The following POU6F2 variants were observed in gnomAD, a reference collection of about 807,000 sequenced individuals.
POU6F2 encodes POU domain, class 6, transcription factor 2.
In POU6F2, 31 loss-of-function variants were observed where a neutral mutation model predicts 71.3. The observed-to-expected ratio is 0.43, with a 90% CI of 0.33 to 0.59. POU6F2 has a LOEUF of 0.59. POU6F2 is among the 20% of genes least tolerant of loss of function. The pLI is 0.04. For synonymous variants in POU6F2, 347 were observed against 355.7 expected, an observed-to-expected ratio of 0.98 and a Z score of 0.27; for missense variants, 783 against 856.8, an observed-to-expected ratio of 0.91 and a Z score of 1.07.
chr7:39,346,650 A>C (rs1371419806), intron 5 of POU6F2, among the ~76,000 whole-genome samples: 2 of 152,254 alleles, frequency 1.3e-5, no homozygotes, highest in African/African-American at 4.8e-5. Flanking sequence ...GCATAGATGC[A>C]GGGTCTAGTG....
chr7:39,432,454 G>C (rs1788125073), intron 6 of POU6F2, among the ~76,000 whole-genome samples: 1 of 152,152 alleles, frequency 6.6e-6, no homozygotes, highest in South Asian at 2.1e-4. Context: ...CTTGACAAAT[G>C]TGCCACAGTC....
chr7:39,008,342 T>C (rs1299510486), intron 1 of POU6F2, among the ~76,000 whole-genome samples: 3 of 152,164 alleles, frequency 2.0e-5, no homozygotes, highest in South Asian at 4.1e-4. Flanking sequence ...GAAGTGTCTG[T>C]TCATGTCCTT....
At chr7:39,224,670 G>A (rs1243748101) in intron 4 of POU6F2, among the ~76,000 whole-genome samples, 2 of 152,084 alleles carry the variant, frequency 1.3e-5, no homozygotes, top group Non-Finnish European at 2.9e-5. Flanking sequence ...TGAAATACAG[G>A]CAGAAAAAAA....
intron 5 of POU6F2, among the ~76,000 whole-genome samples, chr7:39,379,141 G>A (rs1163762310): frequency 6.6e-6 from 1 of 152,148 alleles, no homozygotes; most frequent in Non-Finnish European, 1.5e-5. Flanking sequence ...GGCTCTGGGG[G>A]AAAGAAATTG....
At chr7:39,096,521 C>A (rs1791457037) in intron 2 of POU6F2, among the ~76,000 whole-genome samples, 1 of 152,178 alleles carries the variant, frequency 6.6e-6, no homozygotes, top group Non-Finnish European at 1.5e-5. Flanking sequence ...CAAGAGGAGT[C>A]TGGCAGAAGA....
intron 4 of POU6F2, among the ~76,000 whole-genome samples, chr7:39,277,060 T>G (rs949096319): frequency 6.6e-6 from 1 of 152,040 alleles, no homozygotes; most frequent in Non-Finnish European, 1.5e-5. Flanking sequence ...AATAATAATT[T>G]TTAAAAAATT....
At chr7:39,303,229 G>C (rs144358861) in intron 4 of POU6F2, among the ~76,000 whole-genome samples, 2 of 152,066 alleles carry the variant, frequency 1.3e-5, no homozygotes, top group East Asian at 3.9e-4. Flanking sequence ...CTCACTGCAA[G>C]CTCCGCCTCC....
At chr7:39,448,097 A>T in intron 7 of POU6F2, among the ~76,000 whole-genome samples, 1 of 152,330 alleles carries the variant, frequency 6.6e-6, no homozygotes, top group East Asian at 1.9e-4. Context: ...AATCCCAGTG[A>T]TGTAGTGCTA....
chr7:39,092,055 A>G (rs772191989), intron 2 of POU6F2, among the ~76,000 whole-genome samples: 2 of 152,236 alleles, frequency 1.3e-5, no homozygotes, highest in Non-Finnish European at 2.9e-5. Flanking sequence ...ATGCAGAGGC[A>G]ATCGGAGAAG....
chr7:39,084,041 C>A (rs1013212433), intron 1 of POU6F2, among the ~76,000 whole-genome samples: 6 of 152,144 alleles, frequency 3.9e-5, no homozygotes, highest in African/African-American at 1.4e-4. Context: ...TATGAAAGCT[C>A]GGCTCTGCTC....
chr7:39,357,545 A>G (rs1205811547), intron 5 of POU6F2, among the ~76,000 whole-genome samples: 1 of 152,082 alleles, frequency 6.6e-6, no homozygotes, highest in Non-Finnish European at 1.5e-5. Flanking sequence ...CATCCAGGTA[A>G]TCCCTAACAT....
chr7:38,998,137 T>G (rs1264584177), intron 1 of POU6F2, among the ~76,000 whole-genome samples: 2 of 152,242 alleles, frequency 1.3e-5, no homozygotes, highest in African/African-American at 4.8e-5. Flanking sequence ...GTCTTTTATC[T>G]TTCCCTCCTC....
At chr7:39,124,613 G>A (rs187011168) in intron 2 of POU6F2, among the ~76,000 whole-genome samples, 2 of 152,136 alleles carry the variant, frequency 1.3e-5, no homozygotes, top group East Asian at 3.8e-4. Context: ...CTCATACTGA[G>A]CCCTCCTTTC....
intron 4 of POU6F2, among the ~76,000 whole-genome samples, chr7:39,323,994 G>T (rs1785454852): frequency 6.6e-6 from 1 of 151,850 alleles, no homozygotes; most frequent in East Asian, 1.9e-4. Flanking sequence ...TGTAATCCCA[G>T]CTACTTGGGA....
chr7:39,434,417 G>A (rs116740244), intron 7 of POU6F2, among the ~76,000 whole-genome samples: 4,903 of 152,082 alleles, frequency 0.032, 251 homozygotes, highest in African/African-American at 0.11. Context: ...GTGGGGATAC[G>A]CCAGTAGCTA....
rs1417716421 is a variant in POU6F2 at position 39,009,951 on chromosome 7, C to T, written c.105+31893C>T. 1.5e-4 allele frequency among the ~76,000 whole-genome samples: 23 copies of T among 152,018 alleles called. No individual in the cohort carries two copies. In the South Asian group the frequency reaches 3.8e-3, roughly 25 times the overall value. ...AGTATTTTATTGAGGATTTTTGCAT[C>T]GATGTTCATCAAGGATACTGGTCTA... is the stretch of plus-strand genomic sequence containing the variant. On this transcript the variant is annotated intron_variant, in intron 1 of 9. Transcript: ENST00000518318.
At chr7:39,073,376 TA>T (rs35194991) in intron 1 of POU6F2, among the ~76,000 whole-genome samples, 85,736 of 133,058 alleles carry the variant, frequency 0.64, 27,229 homozygotes, top group East Asian at 0.93. Context: ...GAGAACCTAT[TA>T]AAAAAAAAAA....
intron 6 of POU6F2, among the ~76,000 whole-genome samples, chr7:39,430,651 G>A (rs573507716): frequency 1.2e-4 from 19 of 152,280 alleles, no homozygotes; most frequent in Non-Finnish European, 2.2e-4. Context: ...GGGACAGAAC[G>A]CCTCTCTCTT....
At chr7:38,998,481 A>G (rs1788803428) in intron 1 of POU6F2, among the ~76,000 whole-genome samples, 1 of 152,176 alleles carries the variant, frequency 6.6e-6, no homozygotes, top group African/African-American at 2.4e-5. Flanking sequence ...AATCATACCT[A>G]TATGTAGACG....
Sources: allele counts gnomAD v4.1 joint callset (sites outside exome capture counted in the v4.1 genomes callset), GRCh38; gene constraint gnomAD v4.1.1; transcripts MANE v1.5; gene names NCBI Gene and HGNC (gene_info 2026-07-23, HGNC 2026-07-21).